The following SAMD8 variants were observed in gnomAD, a reference collection of about 807,000 sequenced individuals.
SAMD8 encodes the protein sterile alpha motif domain containing 8.
Under a neutral mutation model 42.0 loss-of-function variants are expected in SAMD8, and 20 were observed. That is an observed-to-expected ratio of 0.48 (90% CI 0.34 to 0.69). The LOEUF (loss-of-function observed/expected upper bound fraction) is 0.69, where lower values mean the gene tolerates loss of function less well. Among genes scored for constraint, SAMD8 ranks in the 30% least tolerant of loss-of-function variants. SAMD8 has a pLI of 0.01. For synonymous variants in SAMD8, 162 were observed against 173.0 expected (o/e 0.94, Z 0.50); for missense variants, 328 against 511.6 (o/e 0.64, Z 3.46).
At chr10:75,113,891 A>G (rs903726303) in intron 1 of SAMD8, among the ~76,000 whole-genome samples, 2 of 152,236 alleles carry the variant, frequency 1.3e-5, no homozygotes, top group Admixed American at 1.3e-4. Flanking sequence ...CTGAACTGCA[A>G]TATAAGAACT....
In SAMD8 at chr10:75,101,839, C is replaced by A. The variant is rs75799656; in HGVS notation, c.-16+2111C>A. Reference sequence around the variant, plus strand: ...AGCATGCTCAGGGACCACATCCTACCCCCCCCAAATTAGGAGCACTCACCC... The same window carrying A: ...AGCATGCTCAGGGACCACATCCTACACCCCCCAAATTAGGAGCACTCACCC... On this transcript the variant is annotated intron_variant, in intron 1 of 3. Coordinates refer to the SAMD8 transcript ENST00000447533. The A allele has an allele frequency of 2.7e-3, 3,635 of 1,354,498 alleles. 81 individuals are homozygous for A. The African/African-American group carries it at 0.05, about 18-fold the overall frequency. The allele number at this position is 1,354,498 out of a possible 1,614,324, so 83.9% of individuals were successfully genotyped here.
In SAMD8 at chr10:75,153,631, G is replaced by A. The variant is rs188267528; in HGVS notation, c.578+2525G>A. Among the ~76,000 whole-genome samples, 13 of 151,634 alleles carry A rather than the reference G, an allele frequency of 8.6e-5. No homozygotes were observed. In the East Asian group the frequency reaches 2.1e-3, roughly 25 times the overall value. On this transcript the variant is annotated intron_variant, in intron 2 of 5. Coordinates refer to ENST00000542569, the MANE Select transcript of SAMD8 (RefSeq NM_001174156.2). ...TGTCTCAAAAAAAAAAATACATAAA[G>A]TAAAATAAAACTGCCGTGTAGTATT...
At chr10:75,110,727 G>C (rs1848744346), upstream of SAMD8, among the ~76,000 whole-genome samples, 1 of 152,202 alleles carries the variant, frequency 6.6e-6, no homozygotes, top group Non-Finnish European at 1.5e-5. Flanking sequence ...TGATGTTAGA[G>C]AGATTTGGGT....
At position 75,101,844 on chromosome 10, in the gene SAMD8, C is replaced by G. The variant is rs370942205; in HGVS notation, c.-16+2116C>G. 7.2e-4 allele frequency: 978 copies of G among 1,362,642 alleles called. 1 individual carries two copies. The highest frequency in any genetic ancestry group is 9.1e-4 in the East Asian group (20 of 21,916). 84.4% of individuals were successfully genotyped at this position (1,362,642 alleles called of 1,614,324 possible). A position where few individuals can be genotyped will look rare whatever the true frequency, so the allele number is the denominator to read the frequency against. On this transcript the variant is annotated intron_variant, in intron 1 of 3. Coordinates refer to the SAMD8 transcript ENST00000447533. ...GCTCAGGGACCACATCCTACCCCCC[C>G]CAAATTAGGAGCACTCACCCACCTG...
In SAMD8 at chr10:75,148,346, C is replaced by CTTTTTTTTTTTTTTTTT. The variant is rs60024591; in HGVS notation, c.-15-2159_-15-2143dup. 6.9e-4 allele frequency among the ~76,000 whole-genome samples: 57 copies of CTTTTTTTTTTTTTTTTT among 82,558 alleles called. 4 individuals are homozygous for CTTTTTTTTTTTTTTTTT. The highest frequency in any genetic ancestry group is 2.4e-3 in the African/African-American group (36 of 15,314). 54.2% of individuals were successfully genotyped at this position (82,558 alleles called of 152,430 possible). Reference sequence around the variant, plus strand: ...GGGAAAGAATGCAGAGCAATACCAGCTTTTTTTTTTTTTTTTTTTTTTTTT... The same window carrying CTTTTTTTTTTTTTTTTT: ...GGGAAAGAATGCAGAGCAATACCAGCTTTTTTTTTTTTTTTTTTTTTTTTTTTTTTTTTTTTTTTTTT... On this transcript the variant is annotated intron_variant, in intron 1 of 5. Transcript: ENST00000542569.
intron 1 of SAMD8, chr10:75,105,888 GA>G: frequency 1.3e-6 from 2 of 1,543,950 alleles, no homozygotes; most frequent in Non-Finnish European, 1.8e-6. Flanking sequence ...ACATCCTGGT[GA>G]AAAACCCTGT....
At chr10:75,109,644 TG>T (rs1293619509), upstream of SAMD8, among the ~76,000 whole-genome samples, 1 of 152,030 alleles carries the variant, frequency 6.6e-6, no homozygotes, top group Non-Finnish European at 1.5e-5. Flanking sequence ...ACAGTCTAGG[TG>T]GGCCACAAAT....
At chr10:75,115,488 T>A (rs1335900357) in intron 1 of SAMD8, among the ~76,000 whole-genome samples, 2 of 152,204 alleles carry the variant, frequency 1.3e-5, no homozygotes, top group African/African-American at 4.8e-5. Flanking sequence ...TGTGTGGGTA[T>A]GGATTTGTAA....
At chr10:75,147,080 C>T (rs75376538) in intron 1 of SAMD8, among the ~76,000 whole-genome samples, 2,101 of 152,182 alleles carry the variant, frequency 0.014, 48 homozygotes, top group African/African-American at 0.048. Context: ...GCAGCTAAAA[C>T]GTCAGCATCA....
intron 1 of SAMD8, chr10:75,125,293 TG>T (rs1849104153): frequency 6.6e-6 from 1 of 152,220 alleles, no homozygotes; most frequent in South Asian, 2.1e-4. Flanking sequence ...GCATGATGTA[TG>T]CCCAGGGACA....
rs1003923090 is a variant in SAMD8, at chr10:75,171,160, C to CTTTT, written c.792+2523_792+2526dup. On this transcript the variant is annotated intron_variant, in intron 4 of 5. Coordinates refer to ENST00000542569, the MANE Select transcript of SAMD8 (RefSeq NM_001174156.2). ...TCCTTTTCTTTCTTTCTTTCTTTTT[C>CTTTT]TTTTTTTTTTTTTTTTTTTTTTTTG... Among the ~76,000 whole-genome samples the CTTTT allele has an allele frequency of 2.5e-3, 172 of 68,516 alleles. 6 individuals are homozygous for CTTTT. Among genetic ancestry groups the CTTTT allele is most frequent in the African/African-American group, 5.7e-3 (99 of 17,382 alleles). The allele number at this position is 68,516 out of a possible 152,430, so 44.9% of individuals were successfully genotyped here. A position where few individuals can be genotyped will look rare whatever the true frequency, so the allele number is the denominator to read the frequency against.
chr10:75,115,476 A>G (rs1280094349), intron 1 of SAMD8, among the ~76,000 whole-genome samples: 1 of 152,178 alleles, frequency 6.6e-6, no homozygotes, highest in Non-Finnish European at 1.5e-5. Context: ...TTGCCATATG[A>G]ATGTGTGGGT....
chr10:75,147,040 G>C (rs1840153255), intron 1 of SAMD8, among the ~76,000 whole-genome samples: 1 of 152,166 alleles, frequency 6.6e-6, no homozygotes, highest in Non-Finnish European at 1.5e-5. Context: ...AGACTTCCAA[G>C]AGACTTCCAC....
intron 1 of SAMD8, among the ~76,000 whole-genome samples, chr10:75,119,809 T>A (rs1411492504): frequency 6.6e-6 from 1 of 152,246 alleles, no homozygotes; most frequent in Non-Finnish European, 1.5e-5. Context: ...CTCACTCCTG[T>A]AATCTCAGCA....
chr10:75,146,529 G>A (rs760987019), intron 1 of SAMD8, among the ~76,000 whole-genome samples: 1 of 151,666 alleles, frequency 6.6e-6, no homozygotes, highest in Non-Finnish European at 1.5e-5. Flanking sequence ...CAGGTGATCC[G>A]CCCACCTCAG....
chr10:75,165,686 AG>A (rs1840657697), intron 3 of SAMD8, among the ~76,000 whole-genome samples: 1 of 150,874 alleles, frequency 6.6e-6, no homozygotes, highest in African/African-American at 2.4e-5. Context: ...AAAAAAAAAA[AG>A]ATTATTAGCC....
chr10:75,141,981 TG>T (rs1245365879), intron 1 of SAMD8, among the ~76,000 whole-genome samples: 2 of 152,140 alleles, frequency 1.3e-5, no homozygotes, highest in Non-Finnish European at 2.9e-5. Context: ...TTTTTATTTT[TG>T]TTTTTGAGAA....
rs1330407289 is a variant in SAMD8, at chr10:75,173,846, T to C, written c.793-2220T>C. ...ATAGAATCTTTAAGACATAGGGCTT[T>C]GGAATTGGGTTCCCTGGGTTCACAT... On this transcript the variant is annotated intron_variant, in intron 4 of 5. Transcript: ENST00000542569. Among the ~76,000 whole-genome samples, 3 of 152,334 alleles carry C rather than the reference T, an allele frequency of 2.0e-5. No individual in the cohort carries two copies. The South Asian group carries it at 6.2e-4, about 32-fold the overall frequency.
At chr10:75,113,769 T>C (rs538317069) in intron 1 of SAMD8, among the ~76,000 whole-genome samples, 7 of 152,310 alleles carry the variant, frequency 4.6e-5, no homozygotes, top group African/African-American at 1.4e-4. Flanking sequence ...TTATCTTCAG[T>C]TGAAGTTTAT....
Sources: gnomAD v4.1 joint callset for allele counts (sites outside exome capture counted in the v4.1 genomes callset) on GRCh38, gnomAD v4.1.1 for gene constraint, MANE v1.5 for transcripts, NCBI Gene and HGNC (gene_info 2026-07-23, HGNC 2026-07-21) for gene names.